The following FREM2 variants were observed in gnomAD, a reference collection of about 807,000 sequenced individuals.
The protein encoded by FREM2 is FRAS1 related extracellular matrix 2.
In FREM2, 119 loss-of-function variants were observed where a neutral mutation model predicts 219.9. That is an observed-to-expected ratio of 0.54 (90% CI 0.47 to 0.63). The LOEUF (loss-of-function observed/expected upper bound fraction) is 0.63. FREM2 is among the 30% of genes least tolerant of loss of function. The probability of loss-of-function intolerance (pLI) is 0.00; values close to 1 mark genes in which losing one functional copy is unlikely to be tolerated. For missense variants in FREM2, 4,030 were observed against 3,993.6 expected, an observed-to-expected ratio of 1.01 and a Z score of -0.25; for synonymous variants, 1,562 against 1,522.8, an observed-to-expected ratio of 1.03 and a Z score of -0.60.
At chr13:38,738,998 A>C (rs1872120738) in intron 2 of FREM2, among the ~76,000 whole-genome samples, 1 of 152,206 alleles carries the variant, frequency 6.6e-6, no homozygotes, top group Non-Finnish European at 1.5e-5. Flanking sequence ...CTGATTTCAA[A>C]ATAGGCATGA....
intron 2 of FREM2, among the ~76,000 whole-genome samples, chr13:38,739,637 T>C (rs964228376): frequency 1.3e-5 from 2 of 152,124 alleles, no homozygotes; most frequent in African/African-American, 4.8e-5. Context: ...CTCTCAACTC[T>C]TCCTTTTTCA....
chr13:38,722,361 AATAT>A (rs10689108), intron 2 of FREM2, among the ~76,000 whole-genome samples: 1 of 149,958 alleles, frequency 6.7e-6, no homozygotes, highest in East Asian at 2.0e-4. Flanking sequence ...CGTCCAGCCC[AATAT>A]ATATATATAT....
chr13:38,788,331 A>G (rs1471521609), intron 6 of FREM2, among the ~76,000 whole-genome samples: 1 of 152,144 alleles, frequency 6.6e-6, no homozygotes. Flanking sequence ...TATCCAGTTT[A>G]GTATTCCATT....
chr13:38,764,288 A>C lies in FREM2; in HGVS notation c.5264-16A>C. On this transcript the variant is annotated splice_polypyrimidine_tract_variant and intron_variant, in intron 2 of 23. Coordinates refer to ENST00000280481, the MANE Select transcript of FREM2 (RefSeq NM_207361.6). ...AAGAAAGCACTAATTTATGGCTTTA[A>C]ATTTTTATTTTCAAGGTGGAAACAA... is the stretch of plus-strand genomic sequence containing the variant. 6.2e-7 allele frequency: 1 copy of C among 1,601,646 alleles called. No homozygotes were observed. Among genetic ancestry groups the C allele is most frequent in the South Asian group, 1.1e-5 (1 of 90,534 alleles).
Position 38,878,930 on chromosome 13 carries a change from C to T in FREM2, c.8959C>T (p.Gln2987Ter). The T allele has an allele frequency of 6.2e-7, 1 of 1,614,150 alleles. No individual in the cohort carries two copies. Among genetic ancestry groups the T allele is most frequent in the Non-Finnish European group, 8.5e-7 (1 of 1,180,016 alleles). ...CCCTGAAGCCATTCTCTTAGTGAATCAGCCTGGATCTGATGGATTTAAAGT... is the reference window on the plus strand; with the variant it reads ...CCCTGAAGCCATTCTCTTAGTGAATTAGCCTGGATCTGATGGATTTAAAGT... The part of the protein sequence containing the change: ...DDPEAILLVN[Q>*]PGSDGFKVDS... Residue 2987 changes from glutamine (Q) to a stop codon, truncating the protein, a stop_gained, in exon 23 of 24, where the codon CAG becomes TAG. Transcript: ENST00000280481. LOFTEE classifies it low-confidence loss of function (END_TRUNC).
At chr13:38,867,102 T>C (rs1470591563) in intron 16 of FREM2, among the ~76,000 whole-genome samples, 2 of 152,220 alleles carry the variant, frequency 1.3e-5, no homozygotes, top group African/African-American at 4.8e-5. Context: ...TGCTTCTCTA[T>C]TGGAACTGAC....
chr13:38,760,765 CA>C (rs1873196540), intron 2 of FREM2, among the ~76,000 whole-genome samples: 2 of 151,596 alleles, frequency 1.3e-5, no homozygotes, highest in African/African-American at 4.9e-5. Context: ...GTTTTTCTAA[CA>C]ATAAGTTAAA....
At chr13:38,877,069 A>G in intron 20 of FREM2, 48 bp from the exon 21 acceptor site, 1 of 1,605,668 alleles carries the variant, frequency 6.2e-7, no homozygotes, top group Non-Finnish European at 8.5e-7. Context: ...ATGTTTGTGC[A>G]CCATCAGAAC....
At chr13:38,838,791 G>A (rs1405042571) in intron 6 of FREM2, among the ~76,000 whole-genome samples, 2 of 152,140 alleles carry the variant, frequency 1.3e-5, no homozygotes, top group Non-Finnish European at 2.9e-5. Context: ...AAGTTCTCGT[G>A]CTGTGTTTTT....
At chr13:38,868,912 C>T (rs772815798) in intron 16 of FREM2, among the ~76,000 whole-genome samples, 2 of 152,198 alleles carry the variant, frequency 1.3e-5, no homozygotes, top group Non-Finnish European at 2.9e-5. Context: ...CCATGTGCTT[C>T]AGAGGCTTCG....
At chr13:38,784,834 C>G in intron 6 of FREM2, 26 bp downstream of exon 6, 1 of 1,612,314 alleles carries the variant, frequency 6.2e-7, no homozygotes, top group Non-Finnish European at 8.5e-7. Context: ...CTTGAAAATT[C>G]TTTTTCCCGG....
At chr13:38,806,570 C>A (rs9603434) in intron 6 of FREM2, among the ~76,000 whole-genome samples, 10,608 of 151,862 alleles carry the variant, frequency 0.07, 1,285 homozygotes, top group African/African-American at 0.24. Context: ...ATGTACATAC[C>A]TTAAATAAAA....
In FREM2 at chr13:38,709,299, C is replaced by T. The variant is rs541273326; in HGVS notation, c.5263+11512C>T. On this transcript the variant is annotated intron_variant, in intron 2 of 23. Coordinates refer to ENST00000280481, the MANE Select transcript of FREM2 (RefSeq NM_207361.6). ...TCCTATCCTTAGGGTCAGACATCTC[C>T]GCTGTGTTTCCCATAACAACTCATA... is the stretch of plus-strand genomic sequence containing the variant. Among the ~76,000 whole-genome samples the T allele has an allele frequency of 1.1e-4, 16 of 152,238 alleles. No homozygotes were observed. The South Asian group carries it at 1.2e-3, about 12-fold the overall frequency.
At chr13:38,845,324 T>A (rs74048362) in intron 6 of FREM2, among the ~76,000 whole-genome samples, 2,217 of 152,326 alleles carry the variant, frequency 0.015, 60 homozygotes, top group African/African-American at 0.05. Context: ...GAGTTTTGCT[T>A]AATTTGGTAT....
Position 38,839,304 on chromosome 13 carries a change from G to A in FREM2, c.6020-7269G>A, listed in dbSNP as rs867893897. 1.2e-4 allele frequency among the ~76,000 whole-genome samples: 19 copies of A among 152,296 alleles called. No homozygotes were observed. The South Asian group carries it at 1.5e-3, about 12-fold the overall frequency. On this transcript the variant is annotated intron_variant, in intron 6 of 23. Transcript: ENST00000280481. ...TCACCAGCAGAGGCTGCAGAACAGCGAAGATTGCTGCCTGCTCCTTCCTCT... is the reference window on the plus strand; with the variant it reads ...TCACCAGCAGAGGCTGCAGAACAGCAAAGATTGCTGCCTGCTCCTTCCTCT...
At chr13:38,817,480 A>G (rs1875811955) in intron 6 of FREM2, among the ~76,000 whole-genome samples, 1 of 152,182 alleles carries the variant, frequency 6.6e-6, no homozygotes, top group Non-Finnish European at 1.5e-5. Context: ...AATCTTTTCA[A>G]TAAATGGTAT....
chr13:38,803,052 A>G (rs1172276590), intron 6 of FREM2, among the ~76,000 whole-genome samples: 1 of 151,996 alleles, frequency 6.6e-6, no homozygotes, highest in African/African-American at 2.4e-5. Flanking sequence ...CAAAGTTTGA[A>G]TATTTGCTAT....
rs1384561331 is a variant in FREM2, at chr13:38,807,231, A to T, written c.6019+22423A>T. Among the ~76,000 whole-genome samples the T allele has an allele frequency of 8.3e-5, 10 of 121,004 alleles. 1 individual carries two copies. The Admixed American group carries it at 8.5e-4, about 10-fold the overall frequency. The allele number at this position is 121,004 out of a possible 152,430, so 79.4% of individuals were successfully genotyped here. A position where few individuals can be genotyped will look rare whatever the true frequency, so the allele number is the denominator to read the frequency against. On this transcript the variant is annotated intron_variant, in intron 6 of 23. Transcript: ENST00000280481. ...TATATATATATATATATATATATGT[A>T]TGGTTTTGTTTTGTTTTGTTTTTTG...
chr13:38,775,615 C>G (rs941161000), intron 4 of FREM2, among the ~76,000 whole-genome samples: 1 of 152,060 alleles, frequency 6.6e-6, no homozygotes, highest in African/African-American at 2.4e-5. Context: ...CCGAAAGATT[C>G]ACTTTATTTA....
Sources: gnomAD v4.1 joint callset for allele counts (sites outside exome capture counted in the v4.1 genomes callset) on GRCh38, gnomAD v4.1.1 for gene constraint, MANE v1.5 for transcripts, NCBI Gene and HGNC (gene_info 2026-07-23, HGNC 2026-07-21) for gene names.